TRIM44: variants seen among roughly 807,000 people sequenced by gnomAD.
The protein encoded by TRIM44 is tripartite motif containing 44.
In TRIM44, 13 loss-of-function variants were observed where a neutral mutation model predicts 37.4. That is an observed-to-expected ratio of 0.35 (90% CI 0.23 to 0.55). TRIM44 has a LOEUF of 0.55. Among genes scored for constraint, TRIM44 ranks in the 20% least tolerant of loss-of-function variants. The probability of loss-of-function intolerance (pLI) is 0.89; values close to 1 mark genes in which losing one functional copy is unlikely to be tolerated. For synonymous variants in TRIM44, 175 were observed against 157.2 expected (o/e 1.11, Z -0.85); for missense variants, 426 against 437.2 (o/e 0.97, Z 0.23).
chr11:35,696,278 A>G (rs2135497079), intron 2 of TRIM44, among the ~76,000 whole-genome samples: 1 of 151,372 alleles, frequency 6.6e-6, no homozygotes, highest in African/African-American at 2.4e-5. Flanking sequence ...AGTAGCTGGG[A>G]CTACAGGTGC....
rs933877985 is a variant in TRIM44 at position 35,815,662 on chromosome 11, T to C, written c.*9277T>C. The stretch of plus-strand genomic sequence containing the variant: ...GGCCAAATTATACTTGACTGTTATG[T>C]ACTCAAAACAAGCTTTCCTGTTAAT... On this transcript the variant is annotated 3_prime_UTR_variant, in exon 5 of 5. Transcript: ENST00000299413. 4 of 152,234 alleles carry C rather than the reference T, an allele frequency of 2.6e-5. No homozygotes were observed. The highest frequency in any genetic ancestry group is 9.6e-5 in the African/African-American group (4 of 41,468). 9.4% of individuals were successfully genotyped at this position (152,234 alleles called of 1,614,324 possible).
intron 2 of TRIM44, among the ~76,000 whole-genome samples, chr11:35,700,983 C>T (rs1220834930): frequency 6.6e-6 from 1 of 152,022 alleles, no homozygotes; most frequent in Non-Finnish European, 1.5e-5. Context: ...ACAGAAGATT[C>T]AGTAGTTGTA....
intron 2 of TRIM44, among the ~76,000 whole-genome samples, chr11:35,685,787 C>T (rs1188477243): frequency 2.0e-5 from 3 of 152,190 alleles, no homozygotes; most frequent in Non-Finnish European, 4.4e-5. Context: ...CCTCAGCCTC[C>T]TGAGTAGCTG....
intron 1 of TRIM44, among the ~76,000 whole-genome samples, chr11:35,678,028 T>C (rs375247665): frequency 2.6e-5 from 4 of 152,272 alleles, no homozygotes; most frequent in South Asian, 4.1e-4. Context: ...AGCCCTGAGA[T>C]AGAACAAGTT....
At chr11:35,785,958 T>C (rs1853126606) in intron 4 of TRIM44, among the ~76,000 whole-genome samples, 1 of 152,246 alleles carries the variant, frequency 6.6e-6, no homozygotes, top group Non-Finnish European at 1.5e-5. Flanking sequence ...TTCCTTAACC[T>C]GAGTCATCTG....
Position 35,812,164 on chromosome 11 carries a change from T to C in TRIM44, c.*5779T>C, listed in dbSNP as rs1853534846. ...CTCTGAAAGCTACAACTCTATATTT[T>C]ATTTTATTACTCTTTGTTTGGTCCA... On this transcript the variant is annotated 3_prime_UTR_variant, in exon 5 of 5. Transcript: ENST00000299413. 6.6e-6 allele frequency: 1 copy of C among 152,216 alleles called. No homozygotes were observed. Among genetic ancestry groups the C allele is most frequent in the African/African-American group, 2.4e-5 (1 of 41,458 alleles). The allele number at this position is 152,216 out of a possible 1,614,324, so 9.4% of individuals were successfully genotyped here.
At chr11:35,695,536 A>G (rs1034578165) in intron 2 of TRIM44, among the ~76,000 whole-genome samples, 3 of 152,164 alleles carry the variant, frequency 2.0e-5, no homozygotes, top group African/African-American at 7.2e-5. Flanking sequence ...TTCAAATGAT[A>G]TGATTCTGAA....
intron 4 of TRIM44, among the ~76,000 whole-genome samples, chr11:35,756,644 G>A (rs1218220011): frequency 6.6e-6 from 1 of 152,126 alleles, no homozygotes; most frequent in Non-Finnish European, 1.5e-5. Context: ...CTGTGGGTTT[G>A]TCATAGATAG....
intron 3 of TRIM44, among the ~76,000 whole-genome samples, chr11:35,733,125 T>TTTAAATCCATA: frequency 6.6e-6 from 1 of 152,172 alleles, no homozygotes; most frequent in African/African-American, 2.4e-5. Context: ...ATCCATATGG[T>TTTAAATCCATA]GACCCTTTGA....
chr11:35,806,318 G>T, intron 4 of TRIM44, 40 bp from the exon 5 acceptor site: 4 of 1,612,916 alleles, frequency 2.5e-6, no homozygotes, highest in Non-Finnish European at 2.5e-6. Flanking sequence ...CTCCCTTCTT[G>T]TGATATCTTA....
chr11:35,744,252 TAGTATG>T (rs568362281), intron 4 of TRIM44, among the ~76,000 whole-genome samples: 25 of 152,338 alleles, frequency 1.6e-4, no homozygotes, highest in Non-Finnish European at 2.4e-4. Flanking sequence ...CAAAAAAAAT[TAGTATG>T]AGTATGTGCT....
intron 2 of TRIM44, among the ~76,000 whole-genome samples, chr11:35,725,058 G>GCACA (rs373473803): frequency 3.6e-4 from 39 of 107,366 alleles, no homozygotes; most frequent in African/African-American, 1.7e-3. Context: ...TAGGAGACAT[G>GCACA]CACACACTCA....
chr11:35,697,932 A>G (rs1051818365), intron 2 of TRIM44, among the ~76,000 whole-genome samples: 1 of 151,592 alleles, frequency 6.6e-6, no homozygotes, highest in Non-Finnish European at 1.5e-5. Context: ...ATGTGTCTTT[A>G]TAGCAGCATG....
At chr11:35,787,050 C>T (rs1853140191) in intron 4 of TRIM44, among the ~76,000 whole-genome samples, 1 of 152,154 alleles carries the variant, frequency 6.6e-6, no homozygotes, top group Non-Finnish European at 1.5e-5. Context: ...AAGATATTCC[C>T]AGCAGGCACT....
At chr11:35,800,727 G>A (rs1053359474) in intron 4 of TRIM44, among the ~76,000 whole-genome samples, 1 of 152,252 alleles carries the variant, frequency 6.6e-6, no homozygotes, top group Non-Finnish European at 1.5e-5. Flanking sequence ...ATGGGATAGA[G>A]AGGGGCACAG....
chr11:35,737,978 C>T lies in TRIM44; in HGVS notation c.1007+2533C>T, dbSNP rs142020338. On this transcript the variant is annotated intron_variant, in intron 4 of 4. Transcript: ENST00000299413. Reference sequence around the variant, plus strand: ...TCCACAGACCTTTGGTTTAGATGCACTTTAAACTATCTCCTTGGCCCTCCT... The same window carrying T: ...TCCACAGACCTTTGGTTTAGATGCATTTTAAACTATCTCCTTGGCCCTCCT... Among the ~76,000 whole-genome samples the T allele has an allele frequency of 1.8e-3, 281 of 152,302 alleles. 2 individuals carry two copies. Among genetic ancestry groups the T allele is most frequent in the African/African-American group, 6.5e-3 (270 of 41,564 alleles).
Position 35,768,368 on chromosome 11 carries a change from G to A in TRIM44, c.1007+32923G>A, listed in dbSNP as rs535309381. On this transcript the variant is annotated intron_variant, in intron 4 of 4. Coordinates refer to ENST00000299413, the MANE Select transcript of TRIM44 (RefSeq NM_017583.6). ...AAAAGAAGCTAAATAATTTGTTGAA[G>A]GTCACACAGCTAGTTGAAGGTCACA... Among the ~76,000 whole-genome samples the A allele has an allele frequency of 5.3e-5, 8 of 152,200 alleles. No homozygotes were observed. The East Asian group carries it at 1.5e-3, about 29-fold the overall frequency.
chr11:35,802,001 A>T (rs1853377753), intron 4 of TRIM44, among the ~76,000 whole-genome samples: 1 of 151,468 alleles, frequency 6.6e-6, no homozygotes, highest in African/African-American at 2.5e-5. Flanking sequence ...TGTAGTTTAT[A>T]TGAGTTTTTA....
chr11:35,793,428 G>A (rs58712270), intron 4 of TRIM44, among the ~76,000 whole-genome samples: 1,602 of 152,274 alleles, frequency 0.011, 30 homozygotes, highest in African/African-American at 0.037. Flanking sequence ...AGGAGGCTGA[G>A]GCAGGAGAGT....
Sources: allele counts gnomAD v4.1 joint callset (sites outside exome capture counted in the v4.1 genomes callset), GRCh38; gene constraint gnomAD v4.1.1; transcripts MANE v1.5; gene names NCBI Gene and HGNC (gene_info 2026-07-23, HGNC 2026-07-21).